The following MYO5B variants were observed in gnomAD, a reference collection of about 807,000 sequenced individuals.
MYO5B encodes the protein myosin VB.
MYO5B carries 143 observed loss-of-function variants against 229.3 expected under a neutral mutation model. The observed-to-expected ratio is 0.62, with a 90% CI of 0.54 to 0.72. The LOEUF (loss-of-function observed/expected upper bound fraction) is 0.72, where lower values mean the gene tolerates loss of function less well. MYO5B is among the 30% of genes least tolerant of loss of function. The probability of loss-of-function intolerance (pLI) is 0.00; values close to 1 mark genes in which losing one functional copy is unlikely to be tolerated. For missense variants in MYO5B, 2,321 were observed against 2,331.0 expected, an observed-to-expected ratio of 1.00 and a Z score of 0.09; for synonymous variants, 918 against 885.2, an observed-to-expected ratio of 1.04 and a Z score of -0.66.
intron 27 of MYO5B, among the ~76,000 whole-genome samples, chr18:49,870,799 G>T (rs1293782906): frequency 1.3e-5 from 2 of 152,194 alleles, no homozygotes; most frequent in Non-Finnish European, 2.9e-5. Context: ...AATACTACGT[G>T]TTGGCAAGGA....
At chr18:49,932,279 C>G (rs548282866) in intron 16 of MYO5B, among the ~76,000 whole-genome samples, 18 of 152,338 alleles carry the variant, frequency 1.2e-4, no homozygotes, top group Non-Finnish European at 2.1e-4. Flanking sequence ...CCCCTCCCCT[C>G]ACACAGCACA....
intron 21 of MYO5B, among the ~76,000 whole-genome samples, chr18:49,900,264 C>T (rs2024826774): frequency 6.6e-6 from 1 of 152,232 alleles, no homozygotes; most frequent in African/African-American, 2.4e-5. Context: ...TTTCAAAGGG[C>T]CAGTGCCAGA....
At chr18:50,040,100 AG>A (rs1342335644) in intron 3 of MYO5B, 42 bp downstream of exon 3, 1 of 1,602,906 alleles carries the variant, frequency 6.2e-7, no homozygotes, top group Non-Finnish European at 8.5e-7. Context: ...AAAGCTGGTA[AG>A]CACTTTCCAA....
At chr18:50,012,108 C>T (rs939871218) in intron 4 of MYO5B, among the ~76,000 whole-genome samples, 1 of 152,214 alleles carries the variant, frequency 6.6e-6, no homozygotes, top group Admixed American at 6.5e-5. Context: ...TCCCACACCA[C>T]ACCAATTAGA....
intron 7 of MYO5B, among the ~76,000 whole-genome samples, chr18:49,988,053 G>A (rs902640015): frequency 2.6e-5 from 4 of 152,166 alleles, no homozygotes; most frequent in African/African-American, 9.7e-5. Flanking sequence ...GAAGAGTGTG[G>A]ACAACTGGAT....
At chr18:49,908,102 T>C (rs2024919697) in intron 18 of MYO5B, among the ~76,000 whole-genome samples, 1 of 152,236 alleles carries the variant, frequency 6.6e-6, no homozygotes, top group South Asian at 2.1e-4. Flanking sequence ...CTGGGGGCTG[T>C]CTACCGCATC....
intron 1 of MYO5B, among the ~76,000 whole-genome samples, chr18:50,115,886 A>AAAG (rs2031953472): frequency 2.6e-5 from 4 of 152,122 alleles, no homozygotes; most frequent in African/African-American, 9.7e-5. Context: ...GTAGCTGTTA[A>AAAG]TGGCTGCTTG....
intron 1 of MYO5B, among the ~76,000 whole-genome samples, chr18:50,104,165 A>G (rs1304878650): frequency 4.2e-5 from 4 of 95,176 alleles, no homozygotes; most frequent in African/African-American, 1.6e-4. Flanking sequence ...GAACTTGTCT[A>G]TTAAAAAGAA....
intron 17 of MYO5B, among the ~76,000 whole-genome samples, chr18:49,913,309 T>C (rs192097813): frequency 6.6e-6 from 1 of 152,320 alleles, no homozygotes; most frequent in East Asian, 1.9e-4. Context: ...CCCTTTCTCA[T>C]TAAGGTGGTC....
intron 22 of MYO5B, among the ~76,000 whole-genome samples, chr18:49,890,449 A>T (rs558526162): frequency 6.6e-6 from 1 of 152,340 alleles, no homozygotes; most frequent in East Asian, 1.9e-4. Context: ...TATTTGGGAC[A>T]GCTTATCAGA....
intron 33 of MYO5B, among the ~76,000 whole-genome samples, chr18:49,846,520 G>A (rs992764315): frequency 2.0e-5 from 3 of 152,160 alleles, no homozygotes; most frequent in African/African-American, 7.2e-5. Context: ...AAAGAAGCCA[G>A]GTCTGAACAC....
intron 1 of MYO5B, among the ~76,000 whole-genome samples, chr18:50,173,615 C>G (rs187069558): frequency 6.6e-6 from 1 of 152,172 alleles, no homozygotes; most frequent in East Asian, 1.9e-4. Flanking sequence ...GCAAGAAGAG[C>G]GAGGATTCAA....
intron 11 of MYO5B, 90 bp from the exon 12 acceptor site, chr18:49,962,496 A>G: frequency 6.4e-7 from 1 of 1,551,132 alleles, no homozygotes; most frequent in Non-Finnish European, 8.9e-7. Context: ...TGGGTTCTGG[A>G]GGACAGCAGA....
intron 12 of MYO5B, among the ~76,000 whole-genome samples, chr18:49,961,548 G>C (rs1263957855): frequency 6.6e-6 from 1 of 152,240 alleles, no homozygotes; most frequent in Non-Finnish European, 1.5e-5. Context: ...CCTTGCAATA[G>C]CAAGAATCAT....
Position 49,902,638 on chromosome 18 carries a change from T to C in MYO5B, c.2767A>G (p.Met923Val). ...AEHLKRLNVG[M>V]ENKVVQLQRK... ...TGCAGCTGGACCACCTTGTTCTCCA[T>C]GCCCACGTTGAGACGTTTCAGATGC... The change falls in exon 21 of 40, where the codon ATG becomes GTG. Residue 923 changes from methionine to valine, a missense_variant. Coordinates refer to ENST00000285039, the MANE Select transcript of MYO5B (RefSeq NM_001080467.3). 3.7e-6 allele frequency: 6 copies of C among 1,613,460 alleles called. No individual in the cohort carries two copies. The highest frequency in any genetic ancestry group is 3.4e-6 in the Non-Finnish European group (4 of 1,180,032).
intron 1 of MYO5B, among the ~76,000 whole-genome samples, chr18:50,180,955 A>T (rs8088311): frequency 0.074 from 11,274 of 152,244 alleles, 583 homozygotes; most frequent in African/African-American, 0.14. Context: ...TGCTTTTGAC[A>T]ATCATGGATA....
At chr18:50,180,325 A>T (rs910060933) in intron 1 of MYO5B, among the ~76,000 whole-genome samples, 1 of 152,174 alleles carries the variant, frequency 6.6e-6, no homozygotes, top group Non-Finnish European at 1.5e-5. Context: ...TACAGTTCAC[A>T]CATTACCTCA....
At chr18:49,827,320 C>T (rs896281645) in intron 39 of MYO5B, among the ~76,000 whole-genome samples, 1 of 152,256 alleles carries the variant, frequency 6.6e-6, no homozygotes, top group Admixed American at 6.5e-5. Flanking sequence ...GAGTAGCTAG[C>T]TGGCCAGGGT....
At chr18:50,024,287 T>C (rs2026308157) in intron 4 of MYO5B, among the ~76,000 whole-genome samples, 1 of 152,200 alleles carries the variant, frequency 6.6e-6, no homozygotes, top group African/African-American at 2.4e-5. Context: ...CAAACACTTA[T>C]ATTAACATTC....
Sources: allele counts gnomAD v4.1 joint callset (sites outside exome capture counted in the v4.1 genomes callset), GRCh38; gene constraint gnomAD v4.1.1; transcripts MANE v1.5; gene names NCBI Gene and HGNC (gene_info 2026-07-23, HGNC 2026-07-21).